Variants in NIPSNAP2 observed in about 807,000 individuals in gnomAD.
The protein encoded by NIPSNAP2 is protein NipSnap homolog 2.
In NIPSNAP2, 42 loss-of-function variants were observed where a neutral mutation model predicts 48.4. The observed-to-expected ratio is 0.87, with a 90% confidence interval of 0.68 to 1.12. NIPSNAP2 has a LOEUF of 1.12. Ranked by LOEUF, NIPSNAP2 falls within the 50% of genes most tolerant of loss-of-function variation. The probability of loss-of-function intolerance (pLI) is 0.00; values close to 1 mark genes in which losing one functional copy is unlikely to be tolerated. For missense variants in NIPSNAP2, 314 were observed against 347.3 expected, an observed-to-expected ratio of 0.90 and a Z score of 0.76; for synonymous variants, 158 against 126.6, an observed-to-expected ratio of 1.25 and a Z score of -1.67.
chr7:55,982,679 G>C (rs1406183459), intron 5 of NIPSNAP2, among the ~76,000 whole-genome samples: 1 of 150,832 alleles, frequency 6.6e-6, no homozygotes, highest in Non-Finnish European at 1.5e-5. Flanking sequence ...GTGAACCCGG[G>C]AGGTGGAGCT....
chr7:55,968,376 TCTA>T (rs781772397), intron 1 of NIPSNAP2, among the ~76,000 whole-genome samples: 38 of 151,310 alleles, frequency 2.5e-4, no homozygotes, highest in Non-Finnish European at 3.7e-4. Context: ...ATGTCCAAAC[TCTA>T]CTTTCTTTTT....
chr7:55,992,264 A>C (rs1787470854), intron 7 of NIPSNAP2, among the ~76,000 whole-genome samples: 1 of 152,158 alleles, frequency 6.6e-6, no homozygotes, highest in African/African-American at 2.4e-5. Context: ...GCTTGAGCCC[A>C]GGAGTTCGAG....
chr7:55,967,474 T>A (rs1786918585), intron 1 of NIPSNAP2, among the ~76,000 whole-genome samples: 1 of 152,074 alleles, frequency 6.6e-6, no homozygotes, highest in African/African-American at 2.4e-5. Context: ...TAAAGAATTT[T>A]TTTTTTTCCT....
intron 8 of NIPSNAP2, among the ~76,000 whole-genome samples, chr7:55,997,045 G>A (rs1787576596): frequency 6.6e-6 from 1 of 151,918 alleles, no homozygotes; most frequent in South Asian, 2.1e-4. Context: ...TGTAGTCCCA[G>A]CTATTCAGCA....
intron 1 of NIPSNAP2, among the ~76,000 whole-genome samples, chr7:55,974,574 C>T (rs887604995): frequency 2.0e-5 from 3 of 151,936 alleles, no homozygotes; most frequent in Admixed American, 6.6e-5. Context: ...GAAGGCTGGG[C>T]GCAGTGGCTC....
At chr7:55,983,493 C>T (rs541020795) in intron 5 of NIPSNAP2, among the ~76,000 whole-genome samples, 1 of 152,226 alleles carries the variant, frequency 6.6e-6, no homozygotes, top group African/African-American at 2.4e-5. Context: ...GCATTGCCAC[C>T]TAAATAATTA....
At chr7:55,987,705 TAA>T (rs1184523174) in intron 7 of NIPSNAP2, among the ~76,000 whole-genome samples, 3 of 152,152 alleles carry the variant, frequency 2.0e-5, no homozygotes, top group Admixed American at 2.0e-4. Context: ...CTAAGTGAAA[TAA>T]GAGGACAAAT....
At chr7:55,991,706 C>T (rs1229749502) in intron 7 of NIPSNAP2, 2 of 167,086 alleles carry the variant, frequency 1.2e-5, no homozygotes, top group Non-Finnish European at 2.4e-5. Context: ...CAAGATCGCA[C>T]CATTGTACTC....
chr7:55,988,834 C>T (rs1018488172), intron 7 of NIPSNAP2, among the ~76,000 whole-genome samples: 1 of 151,918 alleles, frequency 6.6e-6, no homozygotes, highest in South Asian at 2.1e-4. Flanking sequence ...CTCTGCACTC[C>T]AGCCTGGGTG....
intron 7 of NIPSNAP2, among the ~76,000 whole-genome samples, chr7:55,994,193 T>C (rs1787508431): frequency 6.6e-6 from 1 of 152,168 alleles, no homozygotes; most frequent in African/African-American, 2.4e-5. Context: ...GGTGCTCTAG[T>C]TCCAGGTTTG....
At chr7:55,971,797 C>A (rs773459605) in intron 1 of NIPSNAP2, among the ~76,000 whole-genome samples, 1 of 151,964 alleles carries the variant, frequency 6.6e-6, no homozygotes, top group Non-Finnish European at 1.5e-5. Context: ...ATATGTTTGC[C>A]TCTGTATTTC....
intron 5 of NIPSNAP2, among the ~76,000 whole-genome samples, chr7:55,983,423 A>G (rs1317166446): frequency 1.3e-5 from 2 of 152,218 alleles, no homozygotes; most frequent in Non-Finnish European, 2.9e-5. Context: ...TGCTACTTCT[A>G]TTGATGTGCC....
In NIPSNAP2 at chr7:55,964,643, G is replaced by A. The variant is rs1486994750; in HGVS notation, c.34G>A (p.Ala12Thr). Residue 12 changes from alanine to threonine, a missense_variant, in exon 1 of 10, where the codon GCC (alanine) becomes ACC (threonine). Coordinates refer to ENST00000322090, the MANE Select transcript of NIPSNAP2 (RefSeq NM_001483.3). ...GCGAGTGCTGCGCGCCCGCGGAGCG[G>A]CCTGGGCCGGCGGCCTCCTGCAGCG... Reference protein sequence around the residue: ...AARVLRARGAAWAGGLLQRAA... With the variant: ...AARVLRARGATWAGGLLQRAA... 1 of 1,086,860 alleles carries A rather than the reference G, an allele frequency of 9.2e-7. No individual in the cohort carries two copies. The highest frequency in any genetic ancestry group is 1.1e-6 in the Non-Finnish European group (1 of 896,388). 67.3% of individuals were successfully genotyped at this position (1,086,860 alleles called of 1,614,324 possible). A position where few individuals can be genotyped will look rare whatever the true frequency, so the allele number is the denominator to read the frequency against.
intron 7 of NIPSNAP2, among the ~76,000 whole-genome samples, chr7:55,993,342 C>A (rs541850428): frequency 6.6e-6 from 1 of 151,656 alleles, no homozygotes; most frequent in Non-Finnish European, 1.5e-5. Context: ...TGCCTGTAAT[C>A]CCAGCAGTTT....
At chr7:55,974,102 G>A (rs1787062417) in intron 1 of NIPSNAP2, among the ~76,000 whole-genome samples, 1 of 151,990 alleles carries the variant, frequency 6.6e-6, no homozygotes, top group African/African-American at 2.4e-5. Context: ...GCATGCACCT[G>A]TAGTCCCAGA....
In NIPSNAP2 at chr7:55,994,945, C is replaced by A. The variant is rs779464914; in HGVS notation, c.669C>A (p.Phe223Leu). The change falls in exon 8 of 10, where the codon TTC becomes TTA. Residue 223 changes from phenylalanine (F) to leucine (L), a missense_variant. By Grantham distance (22) the Phe-to-Leu change is conservative (BLOSUM62 0). Coordinates refer to ENST00000322090, the MANE Select transcript of NIPSNAP2 (RefSeq NM_001483.3). ...RQDGNEAVGGFFSQIGQLYMV... is the reference protein window; with the variant it reads ...RQDGNEAVGGLFSQIGQLYMV... ...ATGGTAACGAAGCCGTCGGAGGATT[C>A]TTCTCTCAGATTGGGCAGCTGTACA... 1 of 1,614,136 alleles carries A rather than the reference C, an allele frequency of 6.2e-7. No individual in the cohort carries two copies. Among genetic ancestry groups the A allele is most frequent in the South Asian group, 1.1e-5 (1 of 91,080 alleles).
intron 7 of NIPSNAP2, among the ~76,000 whole-genome samples, chr7:55,987,747 C>T (rs1459566081): frequency 1.3e-5 from 2 of 152,056 alleles, no homozygotes; most frequent in Non-Finnish European, 2.9e-5. Context: ...GTGAAGTATC[C>T]AGTGTTGCCA....
intron 7 of NIPSNAP2, chr7:55,991,782 A>ATATATATATATAT (rs71015150): frequency 4.4e-6 from 1 of 225,730 alleles, no homozygotes; most frequent in Non-Finnish European, 8.6e-6. Context: ...ATATATATAT[A>ATATATATATATAT]ATTTATAAAG....
intron 8 of NIPSNAP2, among the ~76,000 whole-genome samples, chr7:55,996,631 C>T (rs1420803223): frequency 6.6e-6 from 1 of 152,200 alleles, no homozygotes; most frequent in Non-Finnish European, 1.5e-5. Flanking sequence ...TGACATTGCT[C>T]ATCTGTGGTC....
Sources: allele counts gnomAD v4.1 joint callset (sites outside exome capture counted in the v4.1 genomes callset), GRCh38; gene constraint gnomAD v4.1.1; transcripts MANE v1.5; gene names NCBI Gene and HGNC (gene_info 2026-07-23, HGNC 2026-07-21).